EDEM1: variants seen among roughly 807,000 people sequenced by gnomAD.
The protein encoded by EDEM1 is ER degradation enhancing alpha-mannosidase like protein 1, also known as ER degradation-enhancing alpha-mannosidase-like protein 1.
EDEM1 carries 67 observed loss-of-function variants against 74.4 expected under a neutral mutation model. The observed-to-expected ratio is 0.90, with a 90% CI of 0.74 to 1.10. EDEM1 has a LOEUF of 1.10. Among genes scored for constraint, EDEM1 ranks in the 50% least tolerant of loss-of-function variants. The pLI is 0.00. For missense variants in EDEM1, 926 were observed against 851.6 expected (o/e 1.09, Z -1.09); for synonymous variants, 382 against 335.9 (o/e 1.14, Z -1.50).
intron 10 of EDEM1, among the ~76,000 whole-genome samples, chr3:5,211,676 G>GTGTGTGTA (rs2055170276): frequency 6.6e-6 from 1 of 151,530 alleles, no homozygotes; most frequent in Non-Finnish European, 1.5e-5. Flanking sequence ...GTGTGTGTGT[G>GTGTGTGTA]TGTGTGTGTG....
At position 5,187,818 on chromosome 3, in the gene EDEM1, G is replaced by C. The variant is rs748103225; in HGVS notation, c.13G>C (p.Ala5Pro). Reference protein sequence around the residue: MQWRALVLGLVLLRL... With the variant: MQWRPLVLGLVLLRL... ...CGCCCGCGCGACCATGCAATGGCGAGCGCTCGTCCTGGGGCTGGTGCTCCT... is the reference window on the plus strand; with the variant it reads ...CGCCCGCGCGACCATGCAATGGCGACCGCTCGTCCTGGGGCTGGTGCTCCT... Residue 5 changes from alanine to proline, a missense_variant, in exon 1 of 12, where the codon GCG (alanine) becomes CCG (proline). Coordinates refer to ENST00000256497, the MANE Select transcript of EDEM1 (RefSeq NM_014674.3). The C allele has an allele frequency of 1.3e-6, 2 of 1,582,312 alleles. No individual in the cohort carries two copies. Among genetic ancestry groups the C allele is most frequent in the Non-Finnish European group, 1.7e-6 (2 of 1,165,864 alleles).
chr3:5,194,255 T>C (rs1208199376), intron 1 of EDEM1, among the ~76,000 whole-genome samples: 2 of 152,212 alleles, frequency 1.3e-5, no homozygotes, highest in Admixed American at 1.3e-4. Context: ...CTTTAAACAG[T>C]TGTCTTATGT....
rs867716548 is a variant in EDEM1, at chr3:5,215,850, A to G, written c.1906A>G (p.Arg636Gly). ...CTAGTGCAATCGTGTACCTGATGAG[A>G]GGAGGTACTCCCTGCCCTTAAAGAG... The part of the protein sequence containing the change: ...SSNCNRVPDE[R>G]RYSLPLKSIY... The change falls in exon 12 of 12, where the codon AGG (arginine) becomes GGG (glycine). Residue 636 changes from arginine (R) to glycine (G), a missense_variant. Physicochemically the swap from Arg to Gly is moderately radical, Grantham distance 125. Transcript: ENST00000256497. 6.8e-6 allele frequency: 11 copies of G among 1,612,974 alleles called. No homozygotes were observed. The highest frequency in any genetic ancestry group is 5.3e-5 in the African/African-American group (4 of 74,884).
At chr3:5,208,996 G>A (rs1180313879) in intron 8 of EDEM1, among the ~76,000 whole-genome samples, 1 of 152,150 alleles carries the variant, frequency 6.6e-6, no homozygotes, top group East Asian at 1.9e-4. Context: ...TGGCCTTGGT[G>A]AAATTCAGTA....
chr3:5,197,805 A>G (rs1028145293), intron 2 of EDEM1, among the ~76,000 whole-genome samples: 1 of 152,256 alleles, frequency 6.6e-6, no homozygotes, highest in Non-Finnish European at 1.5e-5. Flanking sequence ...AAAAGAAAGA[A>G]CTGAAAGCTA....
At chr3:5,194,521 G>T (rs2054939658) in intron 1 of EDEM1, among the ~76,000 whole-genome samples, 1 of 152,174 alleles carries the variant, frequency 6.6e-6, no homozygotes, top group Non-Finnish European at 1.5e-5. Context: ...GTTTCAGAAT[G>T]GAAAATTGGT....
At chr3:5,215,687 A>G (rs992229530) in intron 11 of EDEM1, 142 bp from the exon 12 acceptor site, 1 of 747,786 alleles carries the variant, frequency 1.3e-6, no homozygotes, top group Admixed American at 2.3e-5. Context: ...ACCGTCCTGC[A>G]GTGTACAGGC....
At chr3:5,210,385 C>T in intron 9 of EDEM1, 137 bp downstream of exon 9, 1 of 821,488 alleles carries the variant, frequency 1.2e-6, no homozygotes. Flanking sequence ...AAATTGCTTA[C>T]CTTTTGGTGT....
chr3:5,188,900 G>A (rs1286239881), intron 1 of EDEM1, among the ~76,000 whole-genome samples: 3 of 152,226 alleles, frequency 2.0e-5, no homozygotes, highest in African/African-American at 7.2e-5. Context: ...TAGTTAGGTG[G>A]TGGGGAGGGA....
At chr3:5,209,791 C>T (rs1559299636) in intron 8 of EDEM1, among the ~76,000 whole-genome samples, 1 of 152,204 alleles carries the variant, frequency 6.6e-6, no homozygotes, top group Non-Finnish European at 1.5e-5. Context: ...GCAAGGTCCT[C>T]TTTCCTGTGC....
chr3:5,199,172 C>G (rs112322837), intron 2 of EDEM1, among the ~76,000 whole-genome samples: 286 of 152,346 alleles, frequency 1.9e-3, no homozygotes, highest in African/African-American at 6.6e-3. Flanking sequence ...GCCAAGCACC[C>G]AAGCTGCTGA....
At position 5,187,815 on chromosome 3, in the gene EDEM1, C is replaced by G. The variant is rs776595568; in HGVS notation, c.10C>G (p.Arg4Gly). The G allele has an allele frequency of 6.3e-7, 1 of 1,580,962 alleles. No homozygotes were observed. Among genetic ancestry groups the G allele is most frequent in the Non-Finnish European group, 8.6e-7 (1 of 1,165,150 alleles). ...CGGCGCCCGCGCGACCATGCAATGG[C>G]GAGCGCTCGTCCTGGGGCTGGTGCT... MQW[R>G]ALVLGLVLLR... Residue 4 changes from arginine (R) to glycine (G), a missense_variant, in exon 1 of 12, where the codon CGA becomes GGA. Transcript: ENST00000256497.
rs760982018 is a variant in EDEM1 at position 5,201,779 on chromosome 3, A to G, written c.713A>G (p.His238Arg). ...GTCCTGGGAAGCCTCCTTTCTGCTC[A>G]CAGAATAATAACTGACTCCAAGCAG... ...IRVLGSLLSA[H>R]RIITDSKQPF... Residue 238 changes from histidine to arginine, a missense_variant, in exon 4 of 12, where the codon CAC becomes CGC. Coordinates refer to ENST00000256497, the MANE Select transcript of EDEM1 (RefSeq NM_014674.3). The G allele has an allele frequency of 3.7e-6, 6 of 1,614,174 alleles. 1 individual carries two copies. Among genetic ancestry groups the G allele is most frequent in the Non-Finnish European group, 5.1e-6 (6 of 1,180,034 alleles).
In EDEM1 at chr3:5,216,184, A is replaced by G. The variant is rs2055233246; in HGVS notation, c.*266A>G. ...CTTATGACATGTTGATGTTATAAGC[A>G]CAATAGATGGGGCATCTTTGGATTG... On this transcript the variant is annotated 3_prime_UTR_variant, in exon 12 of 12. Coordinates refer to ENST00000256497, the MANE Select transcript of EDEM1 (RefSeq NM_014674.3). 1 of 457,496 alleles carries G rather than the reference A, an allele frequency of 2.2e-6. No homozygotes were observed. The highest frequency in any genetic ancestry group is 4.5e-5 in the Admixed American group (1 of 22,388). 28.3% of individuals were successfully genotyped at this position (457,496 alleles called of 1,614,324 possible).
Position 5,215,823 on chromosome 3 carries a change from T to C in EDEM1, c.1885-6T>C. 1 of 1,613,236 alleles carries C rather than the reference T, an allele frequency of 6.2e-7. No homozygotes were observed. Among genetic ancestry groups the C allele is most frequent in the Non-Finnish European group, 8.5e-7 (1 of 1,179,422 alleles). On this transcript the variant is annotated splice_region_variant and splice_polypyrimidine_tract_variant and intron_variant, in intron 11 of 11. Transcript: ENST00000256497. ...TTTTAATTTTCCCTCGTTTTTGTCT[T>C]TCTAGTGCAATCGTGTACCTGATGA...
At chr3:5,203,639 A>G (rs1383590014) in intron 5 of EDEM1, among the ~76,000 whole-genome samples, 1 of 152,224 alleles carries the variant, frequency 6.6e-6, no homozygotes, top group East Asian at 1.9e-4. Flanking sequence ...ATTTCATAAT[A>G]TAGTAGAGAG....
At position 5,195,311 on chromosome 3, in the gene EDEM1, A is replaced by C. The variant is rs558996457; in HGVS notation, c.582+30A>C. 2.1e-6 allele frequency: 3 copies of C among 1,434,280 alleles called. No individual in the cohort carries two copies. In the East Asian group the frequency reaches 7.2e-5, roughly 34 times the overall value. The allele number at this position is 1,434,280 out of a possible 1,614,324, so 88.8% of individuals were successfully genotyped here. On this transcript the variant is annotated intron_variant, in intron 2 of 11. Coordinates refer to ENST00000256497, the MANE Select transcript of EDEM1 (RefSeq NM_014674.3). ...GTGTTCACCTTTTTTTAAAAAAATGAATTAAGATGTTTTAGAGTTGATTAT... is the reference window on the plus strand; with the variant it reads ...GTGTTCACCTTTTTTTAAAAAAATGCATTAAGATGTTTTAGAGTTGATTAT...
chr3:5,207,087 C>CT, intron 6 of EDEM1, 66 bp from the exon 7 acceptor site: 1 of 1,582,546 alleles, frequency 6.3e-7, no homozygotes, highest in South Asian at 1.2e-5. Context: ...CCAGCAGCTG[C>CT]TGGAGAGGTA....
intron 6 of EDEM1, among the ~76,000 whole-genome samples, chr3:5,205,860 A>C (rs1047064788): frequency 3.3e-5 from 5 of 151,516 alleles, no homozygotes; most frequent in Non-Finnish European, 7.4e-5. Context: ...TCAGTGTGGG[A>C]GGGGGCTGTG....
Sources: allele counts gnomAD v4.1 joint callset (sites outside exome capture counted in the v4.1 genomes callset), GRCh38; gene constraint gnomAD v4.1.1; transcripts MANE v1.5; gene names NCBI Gene and HGNC (gene_info 2026-07-23, HGNC 2026-07-21).